SYTL2: variants seen among roughly 807,000 people sequenced by gnomAD.
The protein encoded by SYTL2 is synaptotagmin-like protein 2.
In SYTL2, 165 loss-of-function variants were observed where a neutral mutation model predicts 198.7. The ratio of observed to expected loss-of-function variants is 0.83; its 90% confidence interval spans 0.73 to 0.94. The LOEUF (loss-of-function observed/expected upper bound fraction) is 0.94, where lower values mean the gene tolerates loss of function less well. SYTL2 is among the 40% of genes least tolerant of loss of function. The probability of loss-of-function intolerance (pLI) is 0.00; values close to 1 mark genes in which losing one functional copy is unlikely to be tolerated. For missense variants in SYTL2, 2,835 were observed against 2,582.8 expected, an observed-to-expected ratio of 1.10 and a Z score of -2.12; for synonymous variants, 966 against 917.7, an observed-to-expected ratio of 1.05 and a Z score of -0.95.
intron 3 of SYTL2, among the ~76,000 whole-genome samples, chr11:85,747,540 T>A (rs944085206): frequency 6.6e-6 from 1 of 152,048 alleles, no homozygotes; most frequent in Non-Finnish European, 1.5e-5. Flanking sequence ...CATTTTTATT[T>A]CCCCCCTCTT....
chr11:85,827,003 A>G, the SYTL2 span, among the ~76,000 whole-genome samples: 16 of 152,328 alleles, frequency 1.1e-4, no homozygotes, highest in East Asian at 3.1e-3. Flanking sequence ...TTAGGAGATA[A>G]TAAGCCGAAG....
chr11:85,737,527 T>C (rs758978181), intron 5 of SYTL2, 48 bp downstream of exon 5: 8 of 1,451,522 alleles, frequency 5.5e-6, no homozygotes, highest in South Asian at 1.2e-5. Flanking sequence ...TGAGGAAAAA[T>C]GGCATTCCTA....
intron 1 of SYTL2, among the ~76,000 whole-genome samples, chr11:85,791,810 A>G (rs2092734840): frequency 6.6e-6 from 1 of 152,102 alleles, no homozygotes; most frequent in Non-Finnish European, 1.5e-5. Flanking sequence ...ACTTGGAGCC[A>G]TAAGGAAGGG....
At chr11:85,775,091 G>A (rs1428268105) in intron 1 of SYTL2, among the ~76,000 whole-genome samples, 1 of 152,012 alleles carries the variant, frequency 6.6e-6, no homozygotes. Flanking sequence ...GCAGACTACT[G>A]GAGAAAAATG....
chr11:85,713,243 TTCC>T (rs1254885960), intron 12 of SYTL2, among the ~76,000 whole-genome samples: 1 of 152,222 alleles, frequency 6.6e-6, no homozygotes, highest in Non-Finnish European at 1.5e-5. Context: ...GCCCAGAGCT[TTCC>T]TCAACATTCC....
chr11:85,819,978 G>A, the SYTL2 span, among the ~76,000 whole-genome samples: 1 of 152,210 alleles, frequency 6.6e-6, no homozygotes, highest in Non-Finnish European at 1.5e-5. Flanking sequence ...GAGGGACACT[G>A]CACTGAATTG....
the SYTL2 span, among the ~76,000 whole-genome samples, chr11:85,817,471 T>C: frequency 6.6e-6 from 1 of 152,362 alleles, no homozygotes; most frequent in East Asian, 1.9e-4. Flanking sequence ...ATTTTGAATA[T>C]ATTAAATGAA....
chr11:85,721,244 T>A (rs2088270607), intron 8 of SYTL2, among the ~76,000 whole-genome samples: 2 of 152,234 alleles, frequency 1.3e-5, no homozygotes, highest in South Asian at 2.1e-4. Flanking sequence ...ATTTTAGACA[T>A]ATGATTTGTC....
chr11:85,848,597 T>A, the SYTL2 span, among the ~76,000 whole-genome samples: 1 of 152,248 alleles, frequency 6.6e-6, no homozygotes, highest in Non-Finnish European at 1.5e-5. Flanking sequence ...CTGAAGCAAT[T>A]GATCCTATAT....
intron 2 of SYTL2, among the ~76,000 whole-genome samples, chr11:85,756,656 C>T (rs542570144): frequency 6.6e-6 from 1 of 152,176 alleles, no homozygotes; most frequent in Admixed American, 6.5e-5. Context: ...CATGTTAAGC[C>T]CTTTGCAACT....
intron 12 of SYTL2, 127 bp from the exon 13 acceptor site, chr11:85,711,359 G>T: frequency 1.0e-6 from 1 of 978,118 alleles, no homozygotes; most frequent in Non-Finnish European, 1.5e-6. Context: ...GGATGCTAGT[G>T]CTAATTGCCA....
At chr11:85,797,974 C>A (rs1340103476) in intron 1 of SYTL2, among the ~76,000 whole-genome samples, 4 of 151,912 alleles carry the variant, frequency 2.6e-5, no homozygotes, top group African/African-American at 9.7e-5. Context: ...CTGCCTCAGC[C>A]TCCCGAGTAG....
Position 85,726,615 on chromosome 11 carries a change from G to C in SYTL2, c.2743C>G (p.Gln915Glu), listed in dbSNP as rs1208928843. Residue 915 changes from glutamine (Q) to glutamate (E), a missense_variant, in exon 8 of 20, where the codon CAA (glutamine) becomes GAA (glutamate). Physicochemically the swap from Gln to Glu is conservative, Grantham distance 29 (BLOSUM62 2). Transcript: ENST00000359152. Reference sequence around the variant, plus strand: ...CTAGAAGGCAAACTGTCTGCCACTTGTGATCTTTTTATAGGCTCATTTTTC... The same window carrying C: ...CTAGAAGGCAAACTGTCTGCCACTTCTGATCTTTTTATAGGCTCATTTTTC... ...NKKNEPIKRS[Q>E]VADSLPSRRN... 4 of 1,546,268 alleles carry C rather than the reference G, an allele frequency of 2.6e-6. No individual in the cohort carries two copies. In the South Asian group the frequency reaches 4.7e-5, roughly 18 times the overall value.
the SYTL2 span, among the ~76,000 whole-genome samples, chr11:85,839,387 C>T: frequency 6.6e-6 from 1 of 152,164 alleles, no homozygotes; most frequent in African/African-American, 2.4e-5. Context: ...TCACCATCCC[C>T]ACCTCCCAGC....
the SYTL2 span, among the ~76,000 whole-genome samples, chr11:85,847,186 C>G: frequency 6.6e-6 from 1 of 152,156 alleles, no homozygotes; most frequent in Non-Finnish European, 1.5e-5. Context: ...TCCTTTATTC[C>G]GGCAAGTACT....
chr11:85,839,351 C>A, the SYTL2 span, among the ~76,000 whole-genome samples: 7 of 152,164 alleles, frequency 4.6e-5, no homozygotes, highest in Non-Finnish European at 1.0e-4. Flanking sequence ...CGTAACAGAT[C>A]TTTTCCAAAC....
chr11:85,696,214 A>T lies in SYTL2; in HGVS notation c.6543T>A (p.Phe2181Leu), dbSNP rs369162906. 8 of 1,613,996 alleles carry T rather than the reference A, an allele frequency of 5.0e-6. No homozygotes were observed. Among genetic ancestry groups the T allele is most frequent in the Non-Finnish European group, 6.8e-6 (8 of 1,180,008 alleles). Residue 2181 changes from phenylalanine (F) to leucine (L), a missense_variant, in exon 19 of 20, where the codon TTT becomes TTA. This residue lies in a region of SYTL2 where 185 missense variants were observed against 182.1 expected (regional missense o/e 1.02). Transcript: ENST00000359152. ...VWDHYKLTNQFLGGLRIGFGT... is the reference protein window; with the variant it reads ...VWDHYKLTNQLLGGLRIGFGT... ...CAAAGCCAATACGAAGACCTCCCAA[A>T]AATTGGTTGGTTAATTTGTAATGGT...
chr11:85,847,045 T>A, the SYTL2 span, among the ~76,000 whole-genome samples: 3 of 152,272 alleles, frequency 2.0e-5, no homozygotes, highest in South Asian at 2.1e-4. Context: ...GAAACCATTT[T>A]AAAAAAATTA....
intron 4 of SYTL2, among the ~76,000 whole-genome samples, chr11:85,743,919 G>A (rs1296328621): frequency 2.6e-5 from 4 of 151,888 alleles, no homozygotes; most frequent in African/African-American, 9.7e-5. Flanking sequence ...CAGTGTTCTA[G>A]TGCTCCCCAG....
Sources: gnomAD v4.1 joint callset for allele counts (sites outside exome capture counted in the v4.1 genomes callset) on GRCh38, gnomAD v4.1.1 for gene constraint, gnomAD v4.1.1 regional missense constraint, MANE v1.5 for transcripts, NCBI Gene and HGNC (gene_info 2026-07-23, HGNC 2026-07-21) for gene names.